PARD3B: variants seen among roughly 807,000 people sequenced by gnomAD.
The protein encoded by PARD3B is partitioning defective 3 homolog B.
A neutral mutation model predicts 130.2 loss-of-function variants in PARD3B; 103 were observed. The ratio of observed to expected loss-of-function variants is 0.79; its 90% CI spans 0.67 to 0.93. The LOEUF is 0.93. PARD3B is among the 40% of genes least tolerant of loss of function. The pLI, the probability that PARD3B is intolerant of heterozygous loss-of-function variation, is 0.00. For synonymous variants in PARD3B, 583 were observed against 553.2 expected, an observed-to-expected ratio of 1.05 and a Z score of -0.76; for missense variants, 1,609 against 1,499.2, an observed-to-expected ratio of 1.07 and a Z score of -1.21.
chr2:205,518,428 C>T (rs1478277912), intron 21 of PARD3B, among the ~76,000 whole-genome samples: 2 of 151,964 alleles, frequency 1.3e-5, no homozygotes, highest in African/African-American at 4.8e-5. Context: ...TTTCTATTTG[C>T]TTGGTAGATT....
At chr2:204,640,392 G>A (rs1239733132) in intron 1 of PARD3B, among the ~76,000 whole-genome samples, 1 of 151,598 alleles carries the variant, frequency 6.6e-6, no homozygotes, top group African/African-American at 2.4e-5. Flanking sequence ...AGATGTCATG[G>A]CAGGAGAACA....
At chr2:205,203,058 G>A (rs1409233982) in intron 15 of PARD3B, among the ~76,000 whole-genome samples, 1 of 152,118 alleles carries the variant, frequency 6.6e-6, no homozygotes, top group Non-Finnish European at 1.5e-5. Context: ...AATGGAATAT[G>A]TAGTTAATTT....
intron 22 of PARD3B, among the ~76,000 whole-genome samples, chr2:205,602,279 A>G (rs2054817344): frequency 6.6e-6 from 1 of 152,236 alleles, no homozygotes; most frequent in Admixed American, 6.5e-5. Context: ...TTGGTTTGCC[A>G]GTATTTTAAT....
Position 205,118,915 on chromosome 2 carries a change from A to G in PARD3B, c.681-6A>G, listed in dbSNP as rs2030273691. ...AATTATATTTCAATCTAAATTTTGC[A>G]TTTAGGATTCTAGGACTCTTCATCC... On this transcript the variant is annotated splice_polypyrimidine_tract_variant and splice_region_variant and intron_variant, in intron 6 of 22. Transcript: ENST00000406610. 3.8e-6 allele frequency: 6 copies of G among 1,562,144 alleles called. No individual in the cohort carries two copies. The highest frequency in any genetic ancestry group is 3.4e-4 in the Middle Eastern group (2 of 5,852).
intron 4 of PARD3B, among the ~76,000 whole-genome samples, chr2:205,049,119 T>C (rs939076083): frequency 2.6e-5 from 4 of 152,026 alleles, no homozygotes; most frequent in African/African-American, 9.7e-5. Flanking sequence ...AAAACGAGAG[T>C]GTGTCTGATT....
chr2:204,813,221 A>C (rs2043026131), intron 2 of PARD3B, among the ~76,000 whole-genome samples: 1 of 152,156 alleles, frequency 6.6e-6, no homozygotes, highest in Non-Finnish European at 1.5e-5. Context: ...AGTATAGTTA[A>C]TCTTTTTAAT....
At chr2:204,944,335 G>A (rs757638119) in intron 2 of PARD3B, among the ~76,000 whole-genome samples, 5 of 152,174 alleles carry the variant, frequency 3.3e-5, no homozygotes, top group Non-Finnish European at 7.3e-5. Flanking sequence ...ACTCTCTGGG[G>A]CCTCCTGTCA....
At chr2:205,504,601 A>G (rs1197009826) in intron 21 of PARD3B, among the ~76,000 whole-genome samples, 1 of 152,244 alleles carries the variant, frequency 6.6e-6, no homozygotes, top group Admixed American at 6.5e-5. Context: ...ACACTTCTCA[A>G]AAGAAGACAT....
At chr2:205,412,665 C>G (rs1237971080) in intron 19 of PARD3B, among the ~76,000 whole-genome samples, 1 of 152,192 alleles carries the variant, frequency 6.6e-6, no homozygotes, top group Non-Finnish European at 1.5e-5. Flanking sequence ...AATATGACCC[C>G]TATACTCAGC....
Position 205,553,363 on chromosome 2 carries a change from C to T in PARD3B, c.3220C>T (p.Arg1074Cys), listed in dbSNP as rs201558826. The change falls in exon 22 of 23, where the codon CGC becomes TGC. Residue 1074 changes from arginine (R) to cysteine (C), a missense_variant. Coordinates refer to ENST00000406610, the MANE Select transcript of PARD3B (RefSeq NM_001302769.2). ...TCCAGATGGGAATGCACACAACCTC[C>T]GCTTTGAAGGGATGGAGAGGCAGTA... ...RGPDGNAHNL[R>C]FEGMERQYAS... is the part of the protein sequence containing the mutation. The T allele has an allele frequency of 1.1e-4, 183 of 1,614,030 alleles. No homozygotes were observed. Among genetic ancestry groups the T allele is most frequent in the South Asian group, 2.7e-4 (25 of 91,074 alleles).
intron 20 of PARD3B, among the ~76,000 whole-genome samples, chr2:205,450,043 C>T (rs1029612091): frequency 6.6e-6 from 1 of 152,120 alleles, no homozygotes; most frequent in African/African-American, 2.4e-5. Context: ...TTTTTCAAAG[C>T]CTGATTTCTC....
chr2:205,173,447 G>A (rs1422103749), intron 12 of PARD3B, among the ~76,000 whole-genome samples: 1 of 152,156 alleles, frequency 6.6e-6, no homozygotes. Context: ...ATTGCTGTCT[G>A]TTTTATCCCT....
In PARD3B at chr2:205,287,769, C is replaced by T. The variant is rs2041450522; in HGVS notation, c.2186-12761C>T. Among the ~76,000 whole-genome samples the T allele has an allele frequency of 6.6e-6, 1 of 152,128 alleles. No homozygotes were observed. Among genetic ancestry groups the T allele is most frequent in the African/African-American group, 2.4e-5 (1 of 41,434 alleles). On this transcript the variant is annotated intron_variant, in intron 16 of 22. Coordinates refer to ENST00000406610, the MANE Select transcript of PARD3B (RefSeq NM_001302769.2). The surrounding 1 kb of genome is among the most constrained non-coding windows in gnomAD (Gnocchi z 4.8). ...GAGAGTTGTGACACTCTTGCTGTTTCTCTGTGCGCTTCTCTGAGGTAGAGT... is the reference window on the plus strand; with the variant it reads ...GAGAGTTGTGACACTCTTGCTGTTTTTCTGTGCGCTTCTCTGAGGTAGAGT...
At position 205,424,339 on chromosome 2, in the gene PARD3B, G is replaced by A. The variant is rs184694188; in HGVS notation, c.2742-16031G>A. 8.8e-4 allele frequency among the ~76,000 whole-genome samples: 134 copies of A among 152,078 alleles called. 3 individuals are homozygous for A. Among genetic ancestry groups the A allele is most frequent in the Middle Eastern group, 3.4e-3 (1 of 294 alleles). ...GTTCTATACTTAAGGTGGTTTTTCC[G>A]GGCTCTGTGGAAGTCGGTGGTACTT... is the stretch of plus-strand genomic sequence containing the variant. On this transcript the variant is annotated intron_variant, in intron 19 of 22. Transcript: ENST00000406610.
chr2:205,607,253 G>A (rs113867464), intron 22 of PARD3B, among the ~76,000 whole-genome samples: 3 of 150,722 alleles, frequency 2.0e-5, no homozygotes, highest in African/African-American at 4.9e-5. Context: ...AAAAAAAAAA[G>A]AAGTCTCTTT....
In PARD3B at chr2:205,300,412, TC is replaced by T. The variant is rs2041951701; in HGVS notation, c.2186-115del. 1 of 919,312 alleles carries T rather than the reference TC, an allele frequency of 1.1e-6. No homozygotes were observed. Among genetic ancestry groups the T allele is most frequent in the Non-Finnish European group, 1.7e-6 (1 of 585,614 alleles). 56.9% of individuals were successfully genotyped at this position (919,312 alleles called of 1,614,324 possible). A position where few individuals can be genotyped will look rare whatever the true frequency, so the allele number is the denominator to read the frequency against. On this transcript the variant is annotated intron_variant, in intron 16 of 22. Coordinates refer to ENST00000406610, the MANE Select transcript of PARD3B (RefSeq NM_001302769.2). The surrounding 1 kb of genome is among the most constrained non-coding windows in gnomAD (Gnocchi z 4.1). ...GGCAAAGCTGGAGTATAACCCCAACTCCCACCCACTTAACACCCCTTTTTTG... is the reference window on the plus strand; with the variant it reads ...GGCAAAGCTGGAGTATAACCCCAACTCCACCCACTTAACACCCCTTTTTTG...
At chr2:205,476,690 C>T (rs564623754) in intron 20 of PARD3B, among the ~76,000 whole-genome samples, 251 of 152,204 alleles carry the variant, frequency 1.6e-3, no homozygotes, top group African/African-American at 5.9e-3. Context: ...TTATGAGTTA[C>T]AGTGTGCAAA....
At chr2:204,635,152 A>G (rs1374570370) in intron 1 of PARD3B, among the ~76,000 whole-genome samples, 3 of 152,196 alleles carry the variant, frequency 2.0e-5, no homozygotes, top group Non-Finnish European at 4.4e-5. Context: ...AAGCCTCTTC[A>G]AGTTGACAGG....
intron 2 of PARD3B, among the ~76,000 whole-genome samples, chr2:204,947,281 TAC>T (rs1022559193): frequency 9.9e-5 from 15 of 152,134 alleles, no homozygotes; most frequent in African/African-American, 3.1e-4. Flanking sequence ...ATAATGAATT[TAC>T]AGTCTTTTTG....
Sources: allele counts gnomAD v4.1 joint callset (sites outside exome capture counted in the v4.1 genomes callset), GRCh38; gene constraint gnomAD v4.1.1; non-coding constraint Gnocchi (gnomAD v3.1); transcripts MANE v1.5; gene names NCBI Gene and HGNC (gene_info 2026-07-23, HGNC 2026-07-21).